The following AK8 variants were observed in gnomAD, a reference collection of about 807,000 sequenced individuals.
The protein encoded by AK8 is ATP-AMP transphosphorylase 8.
A neutral mutation model predicts 54.6 loss-of-function variants in AK8; 44 were observed. The observed-to-expected ratio is 0.81, with a 90% confidence interval of 0.63 to 1.04. AK8 has a LOEUF of 1.04. AK8 is among the 50% of genes least tolerant of loss of function. The pLI, the probability that AK8 is intolerant of heterozygous loss-of-function variation, is 0.00. For synonymous variants in AK8, 239 were observed against 245.6 expected, an observed-to-expected ratio of 0.97 and a Z score of 0.25; for missense variants, 555 against 613.6, an observed-to-expected ratio of 0.90 and a Z score of 1.01.
chr9:132,778,901 G>A (rs1023463442), intron 11 of AK8, among the ~76,000 whole-genome samples: 1 of 150,100 alleles, frequency 6.7e-6, no homozygotes, highest in Non-Finnish European at 1.5e-5. Context: ...TTCTTGGCTC[G>A]ATGGGGTCCT....
At chr9:132,861,068 C>T (rs1342166371) in intron 4 of AK8, among the ~76,000 whole-genome samples, 1 of 152,222 alleles carries the variant, frequency 6.6e-6, no homozygotes, top group Non-Finnish European at 1.5e-5. Context: ...CTCAGACTAT[C>T]CTCACTGCTT....
intron 5 of AK8, among the ~76,000 whole-genome samples, chr9:132,832,484 A>G (rs1842150953): frequency 6.6e-6 from 1 of 152,112 alleles, no homozygotes; most frequent in African/African-American, 2.4e-5. Flanking sequence ...CTTTAGCTAA[A>G]TTCATACCCC....
chr9:132,796,173 C>T (rs910637249), intron 10 of AK8, among the ~76,000 whole-genome samples: 25 of 152,132 alleles, frequency 1.6e-4, no homozygotes, highest in African/African-American at 1.2e-4. Context: ...CCCTGATCCC[C>T]GGCCCATAAC....
At chr9:132,820,730 G>A (rs1362754317) in intron 9 of AK8, among the ~76,000 whole-genome samples, 3 of 152,206 alleles carry the variant, frequency 2.0e-5, no homozygotes, top group South Asian at 2.1e-4. Context: ...TGTGGGGGCT[G>A]TCTGTTTTTT....
At chr9:132,806,262 C>G (rs942507988) in intron 10 of AK8, among the ~76,000 whole-genome samples, 2 of 152,094 alleles carry the variant, frequency 1.3e-5, no homozygotes, top group African/African-American at 4.8e-5. Flanking sequence ...AGAAGAGGCA[C>G]TGAGCTCTTC....
chr9:132,764,201 TC>T (rs1838616621), intron 11 of AK8, among the ~76,000 whole-genome samples: 1 of 152,138 alleles, frequency 6.6e-6, no homozygotes, highest in Non-Finnish European at 1.5e-5. Flanking sequence ...TCCTAGCTAC[TC>T]AGGAGGCTGT....
intron 5 of AK8, among the ~76,000 whole-genome samples, chr9:132,829,518 C>G (rs1188315519): frequency 6.6e-6 from 1 of 152,036 alleles, no homozygotes; most frequent in Admixed American, 6.6e-5. Flanking sequence ...CTGAGAGATT[C>G]CTGAGACCAG....
intron 5 of AK8, among the ~76,000 whole-genome samples, chr9:132,841,182 C>A (rs1369564148): frequency 6.6e-6 from 1 of 152,236 alleles, no homozygotes; most frequent in Non-Finnish European, 1.5e-5. Context: ...TAGAAAAGCA[C>A]TGCAGCCCGA....
chr9:132,733,972 T>C (rs535225717), intron 11 of AK8, among the ~76,000 whole-genome samples: 113 of 152,084 alleles, frequency 7.4e-4, no homozygotes, highest in African/African-American at 2.7e-3. Flanking sequence ...TAATCCCTGC[T>C]CCAGGTGGGC....
At chr9:132,840,962 C>T (rs1842518884) in intron 5 of AK8, among the ~76,000 whole-genome samples, 1 of 152,128 alleles carries the variant, frequency 6.6e-6, no homozygotes, top group South Asian at 2.1e-4. Flanking sequence ...CAGACTTCTA[C>T]TCATAAGGGA....
At chr9:132,732,778 GTA>G (rs1415095053) in intron 11 of AK8, among the ~76,000 whole-genome samples, 1 of 152,076 alleles carries the variant, frequency 6.6e-6, no homozygotes, top group Non-Finnish European at 1.5e-5. Flanking sequence ...ACATGAATAT[GTA>G]TATATTCATG....
intron 10 of AK8, among the ~76,000 whole-genome samples, chr9:132,795,218 A>AGGAGTC (rs1424970478): frequency 6.6e-6 from 1 of 152,210 alleles, no homozygotes; most frequent in African/African-American, 2.4e-5. Context: ...TCTCCCCAGA[A>AGGAGTC]GGAGTCGGAG....
intron 4 of AK8, among the ~76,000 whole-genome samples, chr9:132,858,103 G>A (rs544128083): frequency 1.1e-4 from 16 of 152,194 alleles, no homozygotes; most frequent in Non-Finnish European, 1.8e-4. Flanking sequence ...CCCTGGCCCC[G>A]GGTCTCCCTG....
chr9:132,732,936 C>A (rs544075430), intron 11 of AK8, among the ~76,000 whole-genome samples: 1 of 152,290 alleles, frequency 6.6e-6, no homozygotes, highest in African/African-American at 2.4e-5. Context: ...GTCCCTGAGC[C>A]ACAATCTCTT....
At position 132,799,256 on chromosome 9, in the gene AK8, G is replaced by A. The variant is rs1231598439; in HGVS notation, c.980-6481C>T. ...GTTATTGTTGAGGGAGAAGATATGA[G>A]GGACACTAAGGTTTCTGGGGCTGGC... is the stretch of plus-strand genomic sequence containing the variant. On this transcript the variant is annotated intron_variant, in intron 10 of 12. Coordinates refer to ENST00000298545, the MANE Select transcript of AK8 (RefSeq NM_152572.3). The surrounding 1 kb of genome is among the most constrained non-coding windows in gnomAD (Gnocchi z 5.0). Among the ~76,000 whole-genome samples the A allele has an allele frequency of 6.6e-6, 1 of 152,152 alleles. No individual in the cohort carries two copies. Among genetic ancestry groups the A allele is most frequent in the African/African-American group, 2.4e-5 (1 of 41,432 alleles).
intron 5 of AK8, among the ~76,000 whole-genome samples, chr9:132,852,155 T>A (rs1842991675): frequency 6.6e-6 from 1 of 152,116 alleles, no homozygotes. Context: ...TCAATACAAA[T>A]TATCACATGT....
chr9:132,772,253 C>A (rs141619896), intron 11 of AK8, among the ~76,000 whole-genome samples: 1,730 of 152,324 alleles, frequency 0.011, 22 homozygotes, highest in Middle Eastern at 0.031. Flanking sequence ...CCTGAACTAC[C>A]AGACTCATAG....
intron 4 of AK8, 52 bp downstream of exon 4, chr9:132,863,613 G>T: frequency 7.9e-7 from 1 of 1,264,964 alleles, no homozygotes; most frequent in Non-Finnish European, 1.1e-6. Context: ...AGTGGGTGTG[G>T]CAGTGGGCAC....
intron 5 of AK8, among the ~76,000 whole-genome samples, chr9:132,853,045 T>C (rs560298170): frequency 1.0e-3 from 158 of 151,868 alleles, no homozygotes; most frequent in African/African-American, 3.7e-3. Context: ...CCCAGACATG[T>C]CATAATTATA....
Sources: gnomAD v4.1 joint callset for allele counts (sites outside exome capture counted in the v4.1 genomes callset) on GRCh38, gnomAD v4.1.1 for gene constraint, Gnocchi (gnomAD v3.1) non-coding constraint, MANE v1.5 for transcripts, NCBI Gene and HGNC (gene_info 2026-07-23, HGNC 2026-07-21) for gene names.